TUBB4B: variants seen among roughly 807,000 people sequenced by gnomAD.
TUBB4B encodes tubulin beta 4B class IVb, also known as tubulin beta-4B chain.
A neutral mutation model predicts 34.3 loss-of-function variants in TUBB4B; 7 were observed. The ratio of observed to expected loss-of-function variants is 0.20; its 90% confidence interval spans 0.12 to 0.38. The LOEUF is 0.38. Ranked by LOEUF, TUBB4B falls within the 10% of genes least tolerant of loss-of-function variation. The probability of loss-of-function intolerance (pLI) is 1.00; values close to 1 mark genes in which losing one functional copy is unlikely to be tolerated. For synonymous variants in TUBB4B, 390 were observed against 250.2 expected, an observed-to-expected ratio of 1.56 and a Z score of -5.27; for missense variants, 178 against 610.9, an observed-to-expected ratio of 0.29 and a Z score of 7.47.
In TUBB4B at chr9:137,241,642, C is replaced by T. The variant is rs1188793713; in HGVS notation, c.58-79C>T. 5.0e-6 allele frequency: 5 copies of T among 999,414 alleles called. No individual in the cohort carries two copies. The Admixed American group carries it at 1.6e-4, about 31-fold the overall frequency. The allele number at this position is 999,414 out of a possible 1,614,324, so 61.9% of individuals were successfully genotyped here. ...GGAGGGCCGGGCTGCCGCGCCCGTC[C>T]GGGGCGGGGCTGCCTCCCTGCGCAC... On this transcript the variant is annotated intron_variant, in intron 1 of 3. Transcript: ENST00000340384.
rs138055896 is a variant in TUBB4B at position 137,241,408 on chromosome 9, C to A, written c.48C>A (p.Ile16=). The A allele has an allele frequency of 5.3e-5, 84 of 1,593,346 alleles. No individual in the cohort carries two copies. In the African/African-American group the frequency reaches 1.1e-3, roughly 20 times the overall value. Residue 16 remains isoleucine (I), a synonymous_variant, in exon 1 of 4, where the codon ATC becomes ATA. Coordinates refer to ENST00000340384, the MANE Select transcript of TUBB4B (RefSeq NM_006088.6). ...HLQAGQCGNQ[I]GAKFWEVISD... is the part of the protein sequence containing the mutation. ...AGGCCGGGCAGTGCGGCAACCAAAT[C>A]GGCGCCAAGGTAAGTTGCCGGGGCG...
chr9:137,243,073 C>T lies in TUBB4B; in HGVS notation c.855C>T (p.Thr285=), dbSNP rs748358460. The change falls in exon 4 of 4, where the codon ACC becomes ACT. Residue 285 remains threonine, a synonymous_variant. Transcript: ENST00000340384. ...GCAGCCAGCAGTACCGGGCGCTGAC[C>T]GTGCCCGAGCTCACCCAGCAGATGT... ...SRGSQQYRAL[T]VPELTQQMFD... is the part of the protein sequence containing the mutation. 57 of 1,612,860 alleles carry T rather than the reference C, an allele frequency of 3.5e-5. 1 individual carries two copies. The highest frequency in any genetic ancestry group is 4.5e-5 in the Non-Finnish European group (53 of 1,180,036).
At position 137,241,367 on chromosome 9, in the gene TUBB4B, G is replaced by A; in HGVS notation, c.7G>A (p.Glu3Lys). The change falls in exon 1 of 4, where the codon GAA becomes AAA. Residue 3 changes from glutamate to lysine, a missense_variant. Glu to Lys is a moderately conservative substitution (Grantham distance 56). Transcript: ENST00000340384. MR[E>K]IVHLQAGQCG... is the part of the protein sequence containing the mutation. ...CGCCGCCGCCGCCGCCATCATGAGG[G>A]AAATCGTGCACTTGCAGGCCGGGCA... 6.2e-7 allele frequency: 1 copy of A among 1,603,302 alleles called. No individual in the cohort carries two copies. Among genetic ancestry groups the A allele is most frequent in the Non-Finnish European group, 8.5e-7 (1 of 1,177,618 alleles).
At position 137,243,328 on chromosome 9, in the gene TUBB4B, C is replaced by T. The variant is rs761370028; in HGVS notation, c.1110C>T (p.Asn370=). The T allele has an allele frequency of 8.1e-6, 13 of 1,613,502 alleles. No homozygotes were observed. The Admixed American group carries it at 1.0e-4, about 12-fold the overall frequency. ...AAATGTCCGCCACCTTCATTGGCAA[C>T]AGCACGGCCATCCAGGAGCTGTTCA... The part of the protein sequence containing the change: ...GLKMSATFIG[N]STAIQELFKR... The change falls in exon 4 of 4, where the codon AAC becomes AAT. Residue 370 remains asparagine, a synonymous_variant. Transcript: ENST00000340384.
chr9:137,242,472 A>G lies in TUBB4B; in HGVS notation c.278-24A>G, dbSNP rs752635570. ...GTAGTGCTGTCTACCTGGCTGACAA[A>G]TGATTAGCTGTGTTCTCTCACAGGT... On this transcript the variant is annotated intron_variant, in intron 3 of 3. Coordinates refer to ENST00000340384, the MANE Select transcript of TUBB4B (RefSeq NM_006088.6). 29 of 1,603,332 alleles carry G rather than the reference A, an allele frequency of 1.8e-5. 2 individuals are homozygous for G. The South Asian group carries it at 3.0e-4, about 17-fold the overall frequency.
At position 137,241,306 on chromosome 9, in the gene TUBB4B, C is replaced by A. The variant is rs575821476; in HGVS notation, c.-55C>A. The A allele has an allele frequency of 1.1e-5, 18 of 1,572,764 alleles. No individual in the cohort carries two copies. The African/African-American group carries it at 1.8e-4, about 15-fold the overall frequency. On this transcript the variant is annotated 5_prime_UTR_variant, in exon 1 of 4. Transcript: ENST00000340384. ...GGTTGTAGCACTCTGCGCGCCCGCT[C>A]TTCTGCTGCTGTTTGTCTACTTCCT...
intron 1 of TUBB4B, 57 bp from the exon 2 acceptor site, chr9:137,241,664 G>C: frequency 1.4e-6 from 2 of 1,427,746 alleles, no homozygotes; most frequent in Non-Finnish European, 1.9e-6. Context: ...GCCTCCCTGC[G>C]CACCGGCCGC....
chr9:137,242,100 G>T, intron 3 of TUBB4B, 79 bp downstream of exon 3: 2 of 1,434,008 alleles, frequency 1.4e-6, no homozygotes, highest in Admixed American at 2.3e-5. Flanking sequence ...GAACTGCGCA[G>T]CCGGGGCCCC....
intron 2 of TUBB4B, 26 bp downstream of exon 2, chr9:137,241,855 C>T (rs755232692): frequency 1.9e-6 from 3 of 1,611,360 alleles, no homozygotes; most frequent in South Asian, 2.2e-5. Context: ...CTTCCCCGAC[C>T]GCCCTCCGGG....
rs138125986 is a variant in TUBB4B at position 137,241,774 on chromosome 9, C to T, written c.111C>T (p.His37=). The T allele has an allele frequency of 1.1e-5, 17 of 1,612,202 alleles. No homozygotes were observed. Among genetic ancestry groups the T allele is most frequent in the South Asian group, 3.3e-5 (3 of 91,086 alleles). Residue 37 remains histidine (H), a synonymous_variant, in exon 2 of 4, where the codon CAC becomes CAT. Coordinates refer to ENST00000340384, the MANE Select transcript of TUBB4B (RefSeq NM_006088.6). ...EHGIDPTGTY[H]GDSDLQLERI... The stretch of plus-strand genomic sequence containing the variant: ...GCATCGACCCCACGGGCACCTACCA[C>T]GGGGACAGCGACCTGCAGCTGGAAC...
intron 3 of TUBB4B, 136 bp from the exon 4 acceptor site, chr9:137,242,360 T>C: frequency 2.7e-6 from 3 of 1,102,346 alleles, no homozygotes; most frequent in Non-Finnish European, 2.6e-6. Context: ...CTTTTGGCTT[T>C]GAAGGGTCCG....
At position 137,243,298 on chromosome 9, in the gene TUBB4B, G is replaced by A. The variant is rs781097256; in HGVS notation, c.1080G>A (p.Gly360=). Reference sequence around the variant, plus strand: ...CTGTCTGTGACATCCCACCTCGGGGGCTAAAAATGTCCGCCACCTTCATTG... The same window carrying A: ...CTGTCTGTGACATCCCACCTCGGGGACTAAAAATGTCCGCCACCTTCATTG... ...KTAVCDIPPR[G]LKMSATFIGN... is the part of the protein sequence containing the mutation. The change falls in exon 4 of 4, where the codon GGG becomes GGA. Residue 360 remains glycine (G), a synonymous_variant. Transcript: ENST00000340384. 4.3e-6 allele frequency: 7 copies of A among 1,613,652 alleles called. No individual in the cohort carries two copies. In the South Asian group the frequency reaches 5.5e-5, roughly 13 times the overall value.
At position 137,241,317 on chromosome 9, in the gene TUBB4B, G is replaced by T. The variant is rs747888084; in HGVS notation, c.-44G>T. On this transcript the variant is annotated 5_prime_UTR_variant, in exon 1 of 4. Transcript: ENST00000340384. ...TCTGCGCGCCCGCTCTTCTGCTGCT[G>T]TTTGTCTACTTCCTCCTGCTTCCCC... 6.3e-7 allele frequency: 1 copy of T among 1,584,110 alleles called. No homozygotes were observed. The highest frequency in any genetic ancestry group is 1.1e-5 in the South Asian group (1 of 89,568).
Position 137,243,169 on chromosome 9 carries a change from C to T in TUBB4B, c.951C>T (p.Phe317=), listed in dbSNP as rs368752629. ...HGRYLTVAAV[F]RGRMSMKEVD... is the part of the protein sequence containing the mutation. Reference sequence around the variant, plus strand: ...GCTACCTGACGGTTGCCGCCGTGTTCAGGGGCCGCATGTCCATGAAGGAGG... The same window carrying T: ...GCTACCTGACGGTTGCCGCCGTGTTTAGGGGCCGCATGTCCATGAAGGAGG... The change falls in exon 4 of 4, where the codon TTC becomes TTT. Residue 317 remains phenylalanine, a synonymous_variant. Transcript: ENST00000340384. 3 of 1,612,996 alleles carry T rather than the reference C, an allele frequency of 1.9e-6. No individual in the cohort carries two copies. The highest frequency in any genetic ancestry group is 2.7e-5 in the African/African-American group (2 of 74,950).
Position 137,242,590 on chromosome 9 carries a change from T to C in TUBB4B, c.372T>C (p.Ala124=), listed in dbSNP as rs1023026731. Residue 124 remains alanine, a synonymous_variant, in exon 4 of 4, where the codon GCT becomes GCC. Coordinates refer to ENST00000340384, the MANE Select transcript of TUBB4B (RefSeq NM_006088.6). ...TGCTGGATGTTGTGAGAAAGGAGGC[T>C]GAGAGCTGTGACTGCCTGCAGGGTT... ...DSVLDVVRKE[A]ESCDCLQGFQ... 31 of 1,613,768 alleles carry C rather than the reference T, an allele frequency of 1.9e-5. No individual in the cohort carries two copies. Among genetic ancestry groups the C allele is most frequent in the Non-Finnish European group, 2.5e-5 (30 of 1,180,026 alleles).
Position 137,243,648 on chromosome 9 carries a change from C to A in TUBB4B, c.*92C>A. ...TGGCCTGTCCCACTGTGTGCACTTG[C>A]TGTTTTCCCTGTCCACATCCATGCT... On this transcript the variant is annotated 3_prime_UTR_variant, in exon 4 of 4. Transcript: ENST00000340384. The A allele has an allele frequency of 6.2e-7, 1 of 1,614,014 alleles. No individual in the cohort carries two copies. Among genetic ancestry groups the A allele is most frequent in the Non-Finnish European group, 8.5e-7 (1 of 1,179,958 alleles).
intron 1 of TUBB4B, 118 bp from the exon 2 acceptor site, chr9:137,241,603 C>A: frequency 9.9e-6 from 3 of 301,684 alleles, no homozygotes; most frequent in Admixed American, 1.8e-4. Flanking sequence ...GCGCGCGGGG[C>A]GGGGGAGGGG....
At chr9:137,241,492 G>A in intron 1 of TUBB4B, 75 bp downstream of exon 1, 2 of 1,196,178 alleles carry the variant, frequency 1.7e-6, no homozygotes, top group Non-Finnish European at 1.0e-6. Flanking sequence ...GATGGCGGCA[G>A]CAGCGGCCGG....
In TUBB4B at chr9:137,241,435, T is replaced by C. The variant is rs568481408; in HGVS notation, c.57+18T>C. 6.3e-7 allele frequency: 1 copy of C among 1,574,880 alleles called. No individual in the cohort carries two copies. Among genetic ancestry groups the C allele is most frequent in the Admixed American group, 1.7e-5 (1 of 57,226 alleles). On this transcript the variant is annotated intron_variant, in intron 1 of 3. Coordinates refer to ENST00000340384, the MANE Select transcript of TUBB4B (RefSeq NM_006088.6). ...GCGCCAAGGTAAGTTGCCGGGGCGC[T>C]GGGGCCAGGCGGGCCTGCCGGGCGG... is the stretch of plus-strand genomic sequence containing the variant.
Sources: allele counts gnomAD v4.1 joint callset, GRCh38; gene constraint gnomAD v4.1.1; transcripts MANE v1.5; gene names NCBI Gene and HGNC (gene_info 2026-07-23, HGNC 2026-07-21).